ZBTB20: variants seen among roughly 807,000 people sequenced by gnomAD.
The protein encoded by ZBTB20 is zinc finger and BTB domain-containing protein 20.
Under a neutral mutation model 56.9 loss-of-function variants are expected in ZBTB20, and 9 were observed. The observed-to-expected ratio is 0.16, with a 90% confidence interval of 0.10 to 0.28. The LOEUF is 0.28. Ranked by LOEUF, ZBTB20 falls within the 10% of genes least tolerant of loss-of-function variation. The pLI is 1.00. For missense variants in ZBTB20, 655 were observed against 1,003.0 expected (o/e 0.65, Z 4.69); for synonymous variants, 417 against 420.7 (o/e 0.99, Z 0.11).
chr3:114,318,617 T>A lies in ZBTB20; in HGVS notation c.*20388A>T, dbSNP rs2078781363. 6.6e-6 allele frequency: 1 copy of A among 152,116 alleles called. No individual in the cohort carries two copies. Among genetic ancestry groups the A allele is most frequent in the Admixed American group, 6.5e-5 (1 of 15,274 alleles). 9.4% of individuals were successfully genotyped at this position (152,116 alleles called of 1,614,324 possible). A position where few individuals can be genotyped will look rare whatever the true frequency, so the allele number is the denominator to read the frequency against. The stretch of plus-strand genomic sequence containing the variant: ...CTTTATGCCTCTCTTTGCATCAGGT[T>A]GGCCCCCAGTCCCTAAGAAGGCAAT... On this transcript the variant is annotated 3_prime_UTR_variant, in exon 12 of 12. Coordinates refer to ENST00000675478, the MANE Select transcript of ZBTB20 (RefSeq NM_001348800.3).
intron 4 of ZBTB20, among the ~76,000 whole-genome samples, chr3:114,895,591 C>T (rs1283260182): frequency 2.6e-5 from 4 of 152,080 alleles, no homozygotes; most frequent in African/African-American, 9.7e-5. Context: ...ACAGATATCA[C>T]AAGAGCCATA....
At chr3:114,987,901 G>T (rs946211881) in intron 2 of ZBTB20, among the ~76,000 whole-genome samples, 4 of 152,104 alleles carry the variant, frequency 2.6e-5, no homozygotes, top group African/African-American at 9.7e-5. Context: ...TAATTTATCT[G>T]CCTCTGCTAG....
At chr3:114,490,359 T>G (rs1026810330) in intron 7 of ZBTB20, among the ~76,000 whole-genome samples, 8 of 151,904 alleles carry the variant, frequency 5.3e-5, no homozygotes, top group Admixed American at 6.6e-5. Flanking sequence ...GTAGCTAGGA[T>G]TACAAGCACC....
chr3:114,593,384 CTTT>C (rs201568736), intron 6 of ZBTB20, among the ~76,000 whole-genome samples: 1 of 133,486 alleles, frequency 7.5e-6, no homozygotes, highest in Non-Finnish European at 1.6e-5. Flanking sequence ...TTTTTCTTTT[CTTT>C]TTTTTTTTTT....
chr3:114,338,965 T>C lies in ZBTB20; in HGVS notation c.*40A>G, dbSNP rs769960816. ...TTTTTTGTTTGTTTGTTTTTTGTTGTTGTTTTGTTTTGTTCATAAGAAAGA... is the reference window on the plus strand; with the variant it reads ...TTTTTTGTTTGTTTGTTTTTTGTTGCTGTTTTGTTTTGTTCATAAGAAAGA... On this transcript the variant is annotated 3_prime_UTR_variant, in exon 12 of 12. Coordinates refer to ENST00000675478, the MANE Select transcript of ZBTB20 (RefSeq NM_001348800.3). 14 of 1,455,074 alleles carry C rather than the reference T, an allele frequency of 9.6e-6. No homozygotes were observed. Among genetic ancestry groups the C allele is most frequent in the African/African-American group, 1.4e-5 (1 of 70,844 alleles). 90.1% of individuals were successfully genotyped at this position (1,455,074 alleles called of 1,614,324 possible). A position where few individuals can be genotyped will look rare whatever the true frequency, so the allele number is the denominator to read the frequency against.
chr3:114,597,840 T>C (rs2056447640), intron 6 of ZBTB20, among the ~76,000 whole-genome samples: 1 of 152,186 alleles, frequency 6.6e-6, no homozygotes, highest in Non-Finnish European at 1.5e-5. Flanking sequence ...GGTTTTGTTT[T>C]TGCATCAACT....
intron 6 of ZBTB20, among the ~76,000 whole-genome samples, chr3:114,636,637 C>A (rs2059289364): frequency 6.6e-6 from 1 of 151,748 alleles, no homozygotes; most frequent in African/African-American, 2.4e-5. Context: ...ATGGAAGCCT[C>A]ATGGTAAATA....
chr3:115,022,754 AT>A (rs1326580319), intron 2 of ZBTB20, among the ~76,000 whole-genome samples: 1 of 151,026 alleles, frequency 6.6e-6, no homozygotes, highest in Non-Finnish European at 1.5e-5. Flanking sequence ...GATAAAAGCC[AT>A]TTATCTTGGG....
At chr3:114,490,038 A>G (rs2042562993) in intron 7 of ZBTB20, among the ~76,000 whole-genome samples, 1 of 152,088 alleles carries the variant, frequency 6.6e-6, no homozygotes, top group African/African-American at 2.4e-5. Context: ...AACCTATAGT[A>G]CCCTGGTACG....
chr3:115,024,150 T>C (rs984388143), intron 2 of ZBTB20, among the ~76,000 whole-genome samples: 3 of 151,112 alleles, frequency 2.0e-5, no homozygotes, highest in Non-Finnish European at 3.0e-5. Flanking sequence ...AAAATAGGAC[T>C]GACTGTTTTC....
At position 114,316,570 on chromosome 3, in the gene ZBTB20, G is replaced by A. The variant is rs760753087; in HGVS notation, c.*22435C>T. 9 of 533,080 alleles carry A rather than the reference G, an allele frequency of 1.7e-5. No individual in the cohort carries two copies. The highest frequency in any genetic ancestry group is 5.5e-5 in the East Asian group (1 of 18,298). 33.0% of individuals were successfully genotyped at this position (533,080 alleles called of 1,614,324 possible). ...ATTTATACATAATATAGTGTATATC[G>A]TTTCAACTGGAGATAAACTGAACTG... On this transcript the variant is annotated 3_prime_UTR_variant, in exon 12 of 12. Coordinates refer to ENST00000675478, the MANE Select transcript of ZBTB20 (RefSeq NM_001348800.3).
Position 115,035,899 on chromosome 3 carries a change from A to T in ZBTB20, c.-507+35320T>A, listed in dbSNP as rs1576618178. On this transcript the variant is annotated intron_variant, in intron 2 of 11. Transcript: ENST00000675478. The stretch of plus-strand genomic sequence containing the variant: ...GGAATATTATTCAGTCTTAAAAAGT[A>T]AGGAAATTGTGACATATGCTACAAC... Among the ~76,000 whole-genome samples, 4 of 152,170 alleles carry T rather than the reference A, an allele frequency of 2.6e-5. No individual in the cohort carries two copies. In the East Asian group the frequency reaches 7.7e-4, roughly 29 times the overall value.
At chr3:114,956,238 A>C (rs971209748) in intron 3 of ZBTB20, among the ~76,000 whole-genome samples, 3 of 152,202 alleles carry the variant, frequency 2.0e-5, no homozygotes, top group Non-Finnish European at 2.9e-5. Flanking sequence ...GGACAACACA[A>C]CAAAAGCAGG....
chr3:114,384,012 C>G (rs1210759936), intron 8 of ZBTB20, among the ~76,000 whole-genome samples: 1 of 152,158 alleles, frequency 6.6e-6, no homozygotes, highest in Non-Finnish European at 1.5e-5. Flanking sequence ...GAGAGGCGAA[C>G]TCCCGACCAG....
intron 5 of ZBTB20, among the ~76,000 whole-genome samples, chr3:114,709,505 GT>G (rs1328787126): frequency 4.6e-5 from 7 of 152,138 alleles, no homozygotes; most frequent in African/African-American, 1.7e-4. Flanking sequence ...TGAGCACCTG[GT>G]GCAGGGAGAG....
At chr3:114,367,788 A>AT (rs978277921) in intron 10 of ZBTB20, among the ~76,000 whole-genome samples, 1 of 151,872 alleles carries the variant, frequency 6.6e-6, no homozygotes, top group Non-Finnish European at 1.5e-5. Context: ...AGGAAAAAAA[A>AT]ACATACAAAT....
chr3:114,494,067 T>C (rs2043026168), intron 7 of ZBTB20, among the ~76,000 whole-genome samples: 2 of 152,234 alleles, frequency 1.3e-5, no homozygotes. Flanking sequence ...ATTAGGATTA[T>C]AGTAGCATCT....
At chr3:115,055,930 C>A (rs2081763375) in intron 2 of ZBTB20, among the ~76,000 whole-genome samples, 1 of 151,982 alleles carries the variant, frequency 6.6e-6, no homozygotes, top group Non-Finnish European at 1.5e-5. Flanking sequence ...TGTTCCTTGG[C>A]ATAATCCAAG....
At chr3:114,713,000 G>A (rs2064199391) in intron 5 of ZBTB20, among the ~76,000 whole-genome samples, 1 of 152,076 alleles carries the variant, frequency 6.6e-6, no homozygotes, top group South Asian at 2.1e-4. Flanking sequence ...CTATATGTAG[G>A]ATCTATAGGT....
Sources: allele counts gnomAD v4.1 joint callset (sites outside exome capture counted in the v4.1 genomes callset), GRCh38; gene constraint gnomAD v4.1.1; transcripts MANE v1.5; gene names NCBI Gene and HGNC (gene_info 2026-07-23, HGNC 2026-07-21).